Variants in CHD6 observed in about 807,000 individuals in gnomAD.
CHD6 encodes the protein ATP-dependent chromatin remodeler CHD6.
In CHD6, 50 loss-of-function variants were observed where a neutral mutation model predicts 276.9. The observed-to-expected ratio is 0.18, with a 90% confidence interval of 0.14 to 0.23. The LOEUF (loss-of-function observed/expected upper bound fraction) is 0.23. Among genes scored for constraint, CHD6 ranks in the 10% least tolerant of loss-of-function variants. The probability of loss-of-function intolerance (pLI) is 1.00; values close to 1 mark genes in which losing one functional copy is unlikely to be tolerated. For synonymous variants in CHD6, 1,173 were observed against 1,229.3 expected, an observed-to-expected ratio of 0.95 and a Z score of 0.96; for missense variants, 2,564 against 3,365.8, an observed-to-expected ratio of 0.76 and a Z score of 5.89.
rs188048153 is a variant in CHD6, at chr20:41,540,647, T to C, written c.34-7077A>G. 5.3e-4 allele frequency among the ~76,000 whole-genome samples: 80 copies of C among 152,266 alleles called. No homozygotes were observed. In the East Asian group the frequency reaches 0.012, roughly 24 times the overall value. Reference sequence around the variant, plus strand: ...TGGAAAGGCCACCACAAACCCTTCATCCAGCTGTGCTTCCTTGCACCTCCA... The same window carrying C: ...TGGAAAGGCCACCACAAACCCTTCACCCAGCTGTGCTTCCTTGCACCTCCA... On this transcript the variant is annotated intron_variant, in intron 2 of 36. Coordinates refer to ENST00000373233, the MANE Select transcript of CHD6 (RefSeq NM_032221.5).
chr20:41,585,677 A>C (rs1343727681), intron 1 of CHD6, among the ~76,000 whole-genome samples: 1 of 152,180 alleles, frequency 6.6e-6, no homozygotes, highest in Non-Finnish European at 1.5e-5. Context: ...AATTTTACAT[A>C]AACTCTTCCA....
At chr20:41,507,197 G>C (rs1253702869) in intron 5 of CHD6, among the ~76,000 whole-genome samples, 1 of 152,158 alleles carries the variant, frequency 6.6e-6, no homozygotes, top group East Asian at 1.9e-4. Context: ...ATGAAGAATA[G>C]ATAAAAATGG....
At chr20:41,429,066 T>C (rs6093480) in intron 27 of CHD6, among the ~76,000 whole-genome samples, 6,647 of 152,250 alleles carry the variant, frequency 0.044, 459 homozygotes, top group African/African-American at 0.15. Context: ...TCCTTTTATG[T>C]ACTGACCTCA....
At position 41,460,475 on chromosome 20, in the gene CHD6, G is replaced by T. The variant is rs187551428; in HGVS notation, c.2665-3047C>A. On this transcript the variant is annotated intron_variant, in intron 17 of 36. Transcript: ENST00000373233. ...AGTGGTTTTGTGGGCTGGGCCCAGG[G>T]TCCCTGTGCTGTGTGCAGCCTAGGG... Among the ~76,000 whole-genome samples the T allele has an allele frequency of 6.7e-3, 1,023 of 152,300 alleles. 14 individuals are homozygous for T. The highest frequency in any genetic ancestry group is 0.047 in the South Asian group (225 of 4,826).
intron 1 of CHD6, among the ~76,000 whole-genome samples, chr20:41,562,529 C>T (rs768811638): frequency 6.6e-6 from 1 of 150,886 alleles, no homozygotes; most frequent in African/African-American, 2.4e-5. Context: ...CTTTTAGATG[C>T]CCAAAAGTTT....
At chr20:41,451,648 G>C (rs1305246177) in intron 22 of CHD6, among the ~76,000 whole-genome samples, 178 bp downstream of exon 22, 1 of 152,208 alleles carries the variant, frequency 6.6e-6, no homozygotes, top group East Asian at 1.9e-4. Flanking sequence ...AATATCACAG[G>C]TAACACTGGG....
chr20:41,457,276 G>A lies in CHD6; in HGVS notation c.2817C>T (p.Gly939=), dbSNP rs139521810. The A allele has an allele frequency of 3.3e-4, 537 of 1,613,518 alleles. No individual in the cohort carries two copies. In the African/African-American group the frequency reaches 6.2e-3, roughly 19 times the overall value. The stretch of plus-strand genomic sequence containing the variant: ...CCATCACACTCACCCCATTGGTGCC[G>A]CCCTTTCGGTTGATGTCCTGAAGAA... The part of the protein sequence containing the change: ...KAVLQDINRK[G]GTNGVQQLSK... Residue 939 remains glycine, a synonymous_variant, in exon 18 of 37, where the codon GGC becomes GGT. Coordinates refer to ENST00000373233, the MANE Select transcript of CHD6 (RefSeq NM_032221.5).
Position 41,483,494 on chromosome 20 carries a change from A to G in CHD6, c.2283T>C (p.Asp761=), listed in dbSNP as rs757330250. 1 of 1,612,582 alleles carries G rather than the reference A, an allele frequency of 6.2e-7. No homozygotes were observed. Among genetic ancestry groups the G allele is most frequent in the Non-Finnish European group, 8.5e-7 (1 of 1,179,498 alleles). The change falls in exon 16 of 37, where the codon GAT becomes GAC. Residue 761 remains aspartate, a synonymous_variant. Coordinates refer to ENST00000373233, the MANE Select transcript of CHD6 (RefSeq NM_032221.5). ...INGAEEKILE[D]FRKTHSPDAP... ...CATCAGGGCTGTGGGTTTTTCGGAA[A>G]TCTTCTAGAATTTTCTCCTCTGCTC...
At chr20:41,599,638 T>C (rs1404188416) in intron 1 of CHD6, among the ~76,000 whole-genome samples, 1 of 152,128 alleles carries the variant, frequency 6.6e-6, no homozygotes, top group East Asian at 1.9e-4. Context: ...TTACAAAAAT[T>C]TGAAGAGGAA....
chr20:41,490,473 A>G (rs1468400870), intron 11 of CHD6, among the ~76,000 whole-genome samples: 1 of 152,240 alleles, frequency 6.6e-6, no homozygotes, highest in Non-Finnish European at 1.5e-5. Flanking sequence ...AAACATGTCT[A>G]AACACAGAAA....
chr20:41,612,675 T>A (rs1236598962), intron 1 of CHD6, among the ~76,000 whole-genome samples: 1 of 152,246 alleles, frequency 6.6e-6, no homozygotes, highest in Non-Finnish European at 1.5e-5. Flanking sequence ...TTACCAGACA[T>A]AATCCTTCAA....
In CHD6 at chr20:41,451,036, A is replaced by G; in HGVS notation, c.3593T>C (p.Leu1198Pro). The G allele has an allele frequency of 1.2e-6, 2 of 1,614,006 alleles. No homozygotes were observed. Among genetic ancestry groups the G allele is most frequent in the Non-Finnish European group, 1.7e-6 (2 of 1,179,886 alleles). ...GGTGGCTAGCCAATCTGCATCCTTT[A>G]GCTCTGGGATTAGCAACTGGTTCTT... The part of the protein sequence containing the change: ...KTKNQLLIPE[L>P]KDADWLATCN... The change falls in exon 23 of 37, where the codon CTA becomes CCA. Residue 1198 changes from leucine to proline, a missense_variant. Coordinates refer to ENST00000373233, the MANE Select transcript of CHD6 (RefSeq NM_032221.5).
chr20:41,450,338 G>A (rs1013933251), intron 23 of CHD6, among the ~76,000 whole-genome samples: 1 of 152,078 alleles, frequency 6.6e-6, no homozygotes, highest in Admixed American at 6.5e-5. Flanking sequence ...CATTTCCAAG[G>A]GTCAGATACA....
intron 1 of CHD6, among the ~76,000 whole-genome samples, 157 bp downstream of exon 1, chr20:41,618,183 C>T (rs1325451431): frequency 2.0e-5 from 3 of 151,036 alleles, no homozygotes; most frequent in Admixed American, 2.0e-4. Context: ...CGCTCGGACC[C>T]CAGCCCGGCC....
chr20:41,600,685 CTAAA>C (rs1286080094), intron 1 of CHD6, among the ~76,000 whole-genome samples: 1 of 152,174 alleles, frequency 6.6e-6, no homozygotes, highest in Non-Finnish European at 1.5e-5. Flanking sequence ...GACTGAACGC[CTAAA>C]TACTTTCTAA....
rs537601704 is a variant in CHD6, at chr20:41,515,557, C to T, written c.555-605G>A. On this transcript the variant is annotated intron_variant, in intron 3 of 36. Coordinates refer to ENST00000373233, the MANE Select transcript of CHD6 (RefSeq NM_032221.5). ...CCCTGCTAAGATGGCAACATTTTCT[C>T]TAAAAGGCCTTTCCTGGCCTTCCTA... 3.3e-5 allele frequency among the ~76,000 whole-genome samples: 5 copies of T among 152,318 alleles called. No homozygotes were observed. In the East Asian group the frequency reaches 5.8e-4, roughly 18 times the overall value.
chr20:41,497,863 C>G lies in CHD6; in HGVS notation c.974+305G>C, dbSNP rs2043726121. 6.9e-6 allele frequency: 3 copies of G among 434,370 alleles called. No homozygotes were observed. The South Asian group carries it at 8.6e-5, about 12-fold the overall frequency. 26.9% of individuals were successfully genotyped at this position (434,370 alleles called of 1,614,324 possible). A position where few individuals can be genotyped will look rare whatever the true frequency, so the allele number is the denominator to read the frequency against. ...ATGCTACAGGAGAGTGGTTCTCTAC[C>G]CTGGTTGCATATGAGAATTGCCCAA... On this transcript the variant is annotated intron_variant, in intron 7 of 36. Transcript: ENST00000373233.
In CHD6 at chr20:41,468,123, T is replaced by G. The variant is rs560859227; in HGVS notation, c.2664+5199A>C. Among the ~76,000 whole-genome samples, 225 of 151,264 alleles carry G rather than the reference T, an allele frequency of 1.5e-3. 1 individual carries two copies. The Middle Eastern group carries it at 0.02, about 14-fold the overall frequency. On this transcript the variant is annotated intron_variant, in intron 17 of 36. Coordinates refer to ENST00000373233, the MANE Select transcript of CHD6 (RefSeq NM_032221.5). Reference sequence around the variant, plus strand: ...TCCTATCATTCTTTTTTTTTTTTTTTTGGGAGATGGAGTTTTGCTCTTGTT... The same window carrying G: ...TCCTATCATTCTTTTTTTTTTTTTTGTGGGAGATGGAGTTTTGCTCTTGTT...
At chr20:41,540,030 T>C (rs886713361) in intron 2 of CHD6, among the ~76,000 whole-genome samples, 1 of 152,262 alleles carries the variant, frequency 6.6e-6, no homozygotes, top group African/African-American at 2.4e-5. Context: ...GACCAAATGT[T>C]AACCATCATC....
Sources: gnomAD v4.1 joint callset for allele counts (sites outside exome capture counted in the v4.1 genomes callset) on GRCh38, gnomAD v4.1.1 for gene constraint, MANE v1.5 for transcripts, NCBI Gene and HGNC (gene_info 2026-07-23, HGNC 2026-07-21) for gene names.